The following TEKT3 variants were observed in gnomAD, a reference collection of about 807,000 sequenced individuals.
TEKT3 encodes the protein tektin 3.
TEKT3 carries 49 observed loss-of-function variants against 49.8 expected under a neutral mutation model. That is an observed-to-expected ratio of 0.98 (90% confidence interval 0.78 to 1.25). TEKT3 has a LOEUF of 1.25. Among genes scored for constraint, TEKT3 ranks in the 50% most tolerant of loss-of-function variants. The pLI is 0.00. For missense variants in TEKT3, 595 were observed against 629.5 expected (o/e 0.95, Z 0.59); for synonymous variants, 225 against 237.2 (o/e 0.95, Z 0.47).
In TEKT3 at chr17:15,319,083, T is replaced by G; in HGVS notation, c.728A>C (p.Gln243Pro). ...AGAGACATAAAGCTCTTACGCAAGT[T>G]GGGCAATAGCCTTATCCAAATGTAG... ...MKLHLDKAIA[Q>P]LAANRASQHE... The change falls in exon 5 of 9, where the codon CAA becomes CCA. Residue 243 changes from glutamine (Q) to proline (P), a missense_variant. By Grantham distance (76) the Gln-to-Pro change is moderately conservative. Coordinates refer to ENST00000395930, the MANE Select transcript of TEKT3 (RefSeq NM_031898.3). 6.2e-7 allele frequency: 1 copy of G among 1,611,388 alleles called. No individual in the cohort carries two copies. The highest frequency in any genetic ancestry group is 2.2e-5 in the East Asian group (1 of 44,774).
chr17:15,325,126 G>T (rs1002954698), intron 4 of TEKT3, among the ~76,000 whole-genome samples: 3 of 152,220 alleles, frequency 2.0e-5, no homozygotes, highest in Non-Finnish European at 4.4e-5. Flanking sequence ...TGTTAGGCAG[G>T]TACTACACTG....
chr17:15,320,598 A>T (rs1911211815), intron 4 of TEKT3, among the ~76,000 whole-genome samples: 1 of 152,170 alleles, frequency 6.6e-6, no homozygotes. Flanking sequence ...CGTTTAGTAT[A>T]AAAATATCAA....
rs1490361462 is a variant in TEKT3, at chr17:15,331,470, T to C, written c.116A>G (p.His39Arg). 1.2e-6 allele frequency: 2 copies of C among 1,613,738 alleles called. No individual in the cohort carries two copies. The highest frequency in any genetic ancestry group is 1.3e-5 in the African/African-American group (1 of 74,802). ...GCTCAGGCTATGGGTCAAATTGGAGTGGGGAAAGCGGTCCCTGTAGCTTGA... is the reference window on the plus strand; with the variant it reads ...GCTCAGGCTATGGGTCAAATTGGAGCGGGGAAAGCGGTCCCTGTAGCTTGA... Reference protein sequence around the residue: ...MASSYRDRFPHSNLTHSLSLP... With the variant: ...MASSYRDRFPRSNLTHSLSLP... The change falls in exon 3 of 9, where the codon CAC becomes CGC. Residue 39 changes from histidine (H) to arginine (R), a missense_variant. Transcript: ENST00000395930.
chr17:15,333,876 C>T (rs937640980), intron 2 of TEKT3, among the ~76,000 whole-genome samples: 3 of 151,642 alleles, frequency 2.0e-5, no homozygotes, highest in Admixed American at 2.0e-4. Flanking sequence ...TCTCCTGCCT[C>T]CTCAGCCTCC....
At chr17:15,328,871 T>C (rs1911594845) in intron 3 of TEKT3, among the ~76,000 whole-genome samples, 1 of 152,172 alleles carries the variant, frequency 6.6e-6, no homozygotes, top group Non-Finnish European at 1.5e-5. Flanking sequence ...AACATAGGAC[T>C]CCCAAATAAT....
At chr17:15,309,314 G>C (rs1197378377) in intron 7 of TEKT3, among the ~76,000 whole-genome samples, 1 of 152,142 alleles carries the variant, frequency 6.6e-6, no homozygotes, top group Non-Finnish European at 1.5e-5. Flanking sequence ...CCTGCTCACA[G>C]AGGATTTCCC....
At position 15,312,363 on chromosome 17, in the gene TEKT3, C is replaced by G; in HGVS notation, c.997G>C (p.Ala333Pro). ...TTGAATTGATTCCACATCTCATTGGCAGTCACAACCAAGAGGTTTTCAATG... is the reference window on the plus strand; with the variant it reads ...TTGAATTGATTCCACATCTCATTGGGAGTCACAACCAAGAGGTTTTCAATG... ...DDIENLLVVT[A>P]NEMWNQFNKV... Residue 333 changes from alanine to proline, a missense_variant, in exon 7 of 9, where the codon GCC becomes CCC. Coordinates refer to ENST00000395930, the MANE Select transcript of TEKT3 (RefSeq NM_031898.3). 1 of 1,614,218 alleles carries G rather than the reference C, an allele frequency of 6.2e-7. No individual in the cohort carries two copies. The highest frequency in any genetic ancestry group is 8.5e-7 in the Non-Finnish European group (1 of 1,180,040).
intron 4 of TEKT3, among the ~76,000 whole-genome samples, chr17:15,320,685 CT>C (rs1361136874): frequency 6.6e-6 from 1 of 152,138 alleles, no homozygotes; most frequent in East Asian, 1.9e-4. Flanking sequence ...GCTAAATTCC[CT>C]TCACACATTG....
intron 5 of TEKT3, among the ~76,000 whole-genome samples, chr17:15,314,752 G>T (rs1421212327): frequency 6.6e-6 from 1 of 152,148 alleles, no homozygotes; most frequent in Non-Finnish European, 1.5e-5. Context: ...TCATGCTGTG[G>T]CTAAGAAGTT....
At chr17:15,318,883 A>T (rs1911132072) in intron 5 of TEKT3, among the ~76,000 whole-genome samples, 194 bp downstream of exon 5, 1 of 152,232 alleles carries the variant, frequency 6.6e-6, no homozygotes, top group Non-Finnish European at 1.5e-5. Context: ...TGATATTTTG[A>T]TACAGGCATA....
In TEKT3 at chr17:15,339,177, G is replaced by A. The variant is rs1487049231; in HGVS notation, c.-30+851C>T. On this transcript the variant is annotated intron_variant, in intron 2 of 8. Coordinates refer to ENST00000395930, the MANE Select transcript of TEKT3 (RefSeq NM_031898.3). ...CTGATAAAATAATAAATTCACCCCC[G>A]TTGTCTCTGTCTCTTTCATTCACTT... Among the ~76,000 whole-genome samples the A allele has an allele frequency of 3.3e-5, 5 of 152,228 alleles. No homozygotes were observed. The Middle Eastern group carries it at 0.01, about 311-fold the overall frequency.
chr17:15,304,206 C>A lies in TEKT3; in HGVS notation c.1257-54G>T. 5 of 1,564,054 alleles carry A rather than the reference C, an allele frequency of 3.2e-6. No individual in the cohort carries two copies. In the East Asian group the frequency reaches 6.8e-5, roughly 21 times the overall value. On this transcript the variant is annotated intron_variant, in intron 8 of 8. Coordinates refer to ENST00000395930, the MANE Select transcript of TEKT3 (RefSeq NM_031898.3). This position sits in a 1 kb window ranked among gnomAD's most constrained non-coding sequence, Gnocchi z 4.7. Reference sequence around the variant, plus strand: ...GGTCAGCATGTAGCTTACGCAACTCCAAGTACATCACATTGTAACCAGCGA... The same window carrying A: ...GGTCAGCATGTAGCTTACGCAACTCAAAGTACATCACATTGTAACCAGCGA...
At chr17:15,323,167 G>A (rs914234330) in intron 4 of TEKT3, among the ~76,000 whole-genome samples, 4 of 152,176 alleles carry the variant, frequency 2.6e-5, no homozygotes, top group African/African-American at 9.7e-5. Flanking sequence ...ACTGGACTGG[G>A]CTGAAATGCT....
chr17:15,306,138 T>C (rs1262126471), intron 8 of TEKT3, among the ~76,000 whole-genome samples: 2 of 151,534 alleles, frequency 1.3e-5, no homozygotes, highest in Admixed American at 6.6e-5. Context: ...TGCATATATA[T>C]ATACATAAAG....
At chr17:15,320,647 G>T (rs1478889491) in intron 4 of TEKT3, among the ~76,000 whole-genome samples, 1 of 152,068 alleles carries the variant, frequency 6.6e-6, no homozygotes, top group East Asian at 1.9e-4. Context: ...TGGTTGTTTG[G>T]TATCTGAATT....
chr17:15,319,758 T>C (rs995988201), intron 4 of TEKT3, among the ~76,000 whole-genome samples: 2 of 152,234 alleles, frequency 1.3e-5, no homozygotes, highest in Non-Finnish European at 2.9e-5. Flanking sequence ...TTGATGCTGC[T>C]AGGATGTATC....
intron 5 of TEKT3, among the ~76,000 whole-genome samples, chr17:15,315,237 A>C (rs1286299999): frequency 6.6e-6 from 1 of 152,204 alleles, no homozygotes; most frequent in Admixed American, 6.5e-5. Context: ...TTATGATTTT[A>C]AAGAGGATGG....
chr17:15,336,103 TACACACACAC>T (rs58983355), intron 2 of TEKT3, among the ~76,000 whole-genome samples: 1 of 149,020 alleles, frequency 6.7e-6, no homozygotes, highest in South Asian at 2.1e-4. Context: ...ACTCCAAGAA[TACACACACAC>T]ACACACACAC....
At position 15,303,895 on chromosome 17, in the gene TEKT3, G is replaced by C. The variant is rs1450941539; in HGVS notation, c.*41C>G. On this transcript the variant is annotated 3_prime_UTR_variant, in exon 9 of 9. Coordinates refer to ENST00000395930, the MANE Select transcript of TEKT3 (RefSeq NM_031898.3). ...AATGCTGAGACAGTGCTCTGGCTCA[G>C]CCTTAACTTAGGGGTATCAAAACCA... 1 of 1,577,556 alleles carries C rather than the reference G, an allele frequency of 6.3e-7. No homozygotes were observed. The highest frequency in any genetic ancestry group is 8.7e-7 in the Non-Finnish European group (1 of 1,148,274).
Sources: allele counts gnomAD v4.1 joint callset (sites outside exome capture counted in the v4.1 genomes callset), GRCh38; gene constraint gnomAD v4.1.1; non-coding constraint Gnocchi (gnomAD v3.1); transcripts MANE v1.5; gene names NCBI Gene and HGNC (gene_info 2026-07-23, HGNC 2026-07-21).